SUGT1: variants seen among roughly 807,000 people sequenced by gnomAD.
The protein encoded by SUGT1 is SGT1 assembly cochaperone of MIS12 kinetochore complex.
SUGT1 carries 15 observed loss-of-function variants against 56.1 expected under a neutral mutation model. The observed-to-expected ratio is 0.27, with a 90% CI of 0.18 to 0.41. The LOEUF (loss-of-function observed/expected upper bound fraction) is 0.41. Ranked by LOEUF, SUGT1 falls within the 10% of genes least tolerant of loss-of-function variation. The pLI is 1.00. For missense variants in SUGT1, 347 were observed against 382.2 expected (o/e 0.91, Z 0.77); for synonymous variants, 123 against 128.6 (o/e 0.96, Z 0.30).
rs1963671940 is a variant in SUGT1, at chr13:52,688,328, T to TA, written c.*495dup. ...TTTATTTACCTTTTTCTTAAGTTTT[T>TA]AATGAGAACTTTGAGAAATTATCAC... is the stretch of plus-strand genomic sequence containing the variant. On this transcript the variant is annotated 3_prime_UTR_variant, in exon 13 of 13. Coordinates refer to ENST00000310528, the MANE Select transcript of SUGT1 (RefSeq NM_006704.5). 1 of 152,592 alleles carries TA rather than the reference T, an allele frequency of 6.6e-6. No individual in the cohort carries two copies. Among genetic ancestry groups the TA allele is most frequent in the South Asian group, 2.1e-4 (1 of 4,836 alleles). 9.5% of individuals were successfully genotyped at this position (152,592 alleles called of 1,614,324 possible).
intron 10 of SUGT1, among the ~76,000 whole-genome samples, chr13:52,667,706 A>G (rs1357638675): frequency 6.6e-6 from 1 of 152,334 alleles, no homozygotes; most frequent in Non-Finnish European, 1.5e-5. Context: ...ATTAATATTC[A>G]GAGAGTATCA....
chr13:52,665,611 C>T, intron 8 of SUGT1, 26 bp from the exon 9 acceptor site: 7 of 1,473,902 alleles, frequency 4.7e-6, no homozygotes, highest in South Asian at 2.6e-5. Flanking sequence ...GAAGAGTTAC[C>T]TAAGTTTCTT....
intron 12 of SUGT1, among the ~76,000 whole-genome samples, chr13:52,681,597 A>C (rs1329641021): frequency 6.6e-6 from 1 of 152,030 alleles, no homozygotes; most frequent in African/African-American, 2.4e-5. Flanking sequence ...GGAACCTTTA[A>C]TCCCAGTGCT....
At chr13:52,676,683 T>C (rs1963155125) in intron 11 of SUGT1, among the ~76,000 whole-genome samples, 1 of 152,190 alleles carries the variant, frequency 6.6e-6, no homozygotes, top group Non-Finnish European at 1.5e-5. Flanking sequence ...TTCTTCCCTC[T>C]CCCTTTCTTA....
At chr13:52,669,175 C>T (rs1172096774) in intron 10 of SUGT1, among the ~76,000 whole-genome samples, 1 of 152,082 alleles carries the variant, frequency 6.6e-6, no homozygotes, top group Non-Finnish European at 1.5e-5. Flanking sequence ...TTTCATGTCC[C>T]TCGTTTCTGT....
At chr13:52,675,767 C>CA (rs1325550815) in intron 10 of SUGT1, among the ~76,000 whole-genome samples, 1 of 152,150 alleles carries the variant, frequency 6.6e-6, no homozygotes, top group Non-Finnish European at 1.5e-5. Flanking sequence ...CTTTTAGAAT[C>CA]AGATTTCTCT....
At chr13:52,678,329 G>A (rs923649874) in intron 11 of SUGT1, among the ~76,000 whole-genome samples, 2 of 152,184 alleles carry the variant, frequency 1.3e-5, no homozygotes, top group African/African-American at 4.8e-5. Context: ...TTGTTTTGAG[G>A]AGGAATGGGC....
At chr13:52,657,028 T>A (rs1962197969) in intron 2 of SUGT1, among the ~76,000 whole-genome samples, 1 of 152,210 alleles carries the variant, frequency 6.6e-6, no homozygotes, top group African/African-American at 2.4e-5. Context: ...TAGAGTTGTG[T>A]GCTATTGTTA....
chr13:52,653,661 A>G (rs938859523), intron 2 of SUGT1, among the ~76,000 whole-genome samples: 2 of 152,154 alleles, frequency 1.3e-5, no homozygotes, highest in East Asian at 1.9e-4. Context: ...TTGGTTATAT[A>G]CTCAGCTAAC....
At chr13:52,685,247 CTTCTTCTTCTT>C (rs1254013382) in intron 12 of SUGT1, among the ~76,000 whole-genome samples, 2 of 80,188 alleles carry the variant, frequency 2.5e-5, no homozygotes, top group East Asian at 6.8e-4. Flanking sequence ...TCTTCTTCTT[CTTCTTCTTCTT>C]TTTTTTTTTT....
At chr13:52,668,888 T>A (rs1962823446) in intron 10 of SUGT1, among the ~76,000 whole-genome samples, 1 of 151,232 alleles carries the variant, frequency 6.6e-6, no homozygotes, top group Non-Finnish European at 1.5e-5. Context: ...TTAAATTGAG[T>A]GTGAATTAAT....
chr13:52,660,941 G>C (rs1207035720), intron 5 of SUGT1, among the ~76,000 whole-genome samples: 1 of 152,052 alleles, frequency 6.6e-6, no homozygotes, highest in Non-Finnish European at 1.5e-5. Flanking sequence ...TGAGTAACTG[G>C]GGCTACAGGC....
intron 10 of SUGT1, among the ~76,000 whole-genome samples, chr13:52,674,841 G>A (rs985476995): frequency 1.3e-5 from 2 of 152,176 alleles, no homozygotes; most frequent in African/African-American, 4.8e-5. Flanking sequence ...ATAGAGGTGA[G>A]AGCATTATTT....
intron 10 of SUGT1, among the ~76,000 whole-genome samples, chr13:52,667,159 T>C (rs1401719004): frequency 6.6e-6 from 1 of 152,176 alleles, no homozygotes; most frequent in Non-Finnish European, 1.5e-5. Flanking sequence ...ACAGATATAA[T>C]GTTTTTCAAT....
At chr13:52,669,458 T>C (rs1388374982) in intron 10 of SUGT1, among the ~76,000 whole-genome samples, 1 of 152,234 alleles carries the variant, frequency 6.6e-6, no homozygotes, top group Non-Finnish European at 1.5e-5. Flanking sequence ...AGAATGTTTA[T>C]TCTTAGTTTT....
chr13:52,679,878 G>C (rs1356765689), intron 11 of SUGT1, 96 bp from the exon 12 acceptor site: 2 of 1,211,730 alleles, frequency 1.7e-6, no homozygotes, highest in Admixed American at 6.5e-5. Context: ...TAAACTGTTT[G>C]CTAAGATGTT....
intron 5 of SUGT1, 105 bp from the exon 6 acceptor site, chr13:52,662,544 C>G: frequency 6.3e-6 from 7 of 1,108,886 alleles, no homozygotes; most frequent in South Asian, 1.6e-5. Flanking sequence ...TGCCGACTCC[C>G]CAGTGCCTAG....
intron 12 of SUGT1, chr13:52,687,443 A>G (rs1963641517): frequency 5.4e-6 from 1 of 186,120 alleles, no homozygotes. Context: ...ATCTATGCTC[A>G]TTAGCAAAGG....
chr13:52,681,386 C>CTACA (rs1419627916), intron 12 of SUGT1, among the ~76,000 whole-genome samples: 2 of 147,118 alleles, frequency 1.4e-5, no homozygotes, highest in Non-Finnish European at 3.0e-5. Context: ...TGCCACTGAA[C>CTACA]TACAGCCTGG....
Sources: gnomAD v4.1 joint callset for allele counts (sites outside exome capture counted in the v4.1 genomes callset) on GRCh38, gnomAD v4.1.1 for gene constraint, MANE v1.5 for transcripts, NCBI Gene and HGNC (gene_info 2026-07-23, HGNC 2026-07-21) for gene names.